RAD51B: variants seen among roughly 807,000 people sequenced by gnomAD.
RAD51B encodes the protein RAD51 paralog B.
A neutral mutation model predicts 42.2 loss-of-function variants in RAD51B; 38 were observed. That is an observed-to-expected ratio of 0.90 (90% CI 0.70 to 1.18). RAD51B has a LOEUF of 1.18. RAD51B is among the 50% of genes most tolerant of loss of function. The pLI, the probability that RAD51B is intolerant of heterozygous loss-of-function variation, is 0.00. For synonymous variants in RAD51B, 154 were observed against 145.2 expected, an observed-to-expected ratio of 1.06 and a Z score of -0.43; for missense variants, 373 against 400.7, an observed-to-expected ratio of 0.93 and a Z score of 0.59.
At chr14:67,941,713 T>C (rs1221007707) in intron 7 of RAD51B, among the ~76,000 whole-genome samples, 1 of 152,208 alleles carries the variant, frequency 6.6e-6, no homozygotes, top group East Asian at 1.9e-4. Flanking sequence ...GACATAGAGA[T>C]ATAGCACAGT....
At chr14:68,104,904 G>A (rs2077350906) in intron 7 of RAD51B, among the ~76,000 whole-genome samples, 1 of 152,080 alleles carries the variant, frequency 6.6e-6, no homozygotes, top group Non-Finnish European at 1.5e-5. Flanking sequence ...ATTTTACTAT[G>A]CCTGCACAGG....
chr14:68,447,587 A>G (rs1404963152), intron 9 of RAD51B, among the ~76,000 whole-genome samples: 1 of 151,824 alleles, frequency 6.6e-6, no homozygotes, highest in Non-Finnish European at 1.5e-5. Context: ...AATATTAACT[A>G]AAAAGCATTA....
chr14:68,181,139 A>G (rs1357273575), intron 7 of RAD51B, among the ~76,000 whole-genome samples: 2 of 152,236 alleles, frequency 1.3e-5, no homozygotes, highest in East Asian at 3.8e-4. Context: ...ACCGTGTGCC[A>G]CAGCAAACAA....
chr14:68,101,846 A>T (rs894165605), intron 7 of RAD51B, among the ~76,000 whole-genome samples: 3 of 152,138 alleles, frequency 2.0e-5, no homozygotes, highest in African/African-American at 7.2e-5. Flanking sequence ...CCAACCCGAC[A>T]TTTCCCTTCT....
At chr14:67,961,897 C>T (rs1048924405) in intron 7 of RAD51B, among the ~76,000 whole-genome samples, 1 of 152,164 alleles carries the variant, frequency 6.6e-6, no homozygotes, top group African/African-American at 2.4e-5. Context: ...CTATAACATT[C>T]TGATAAAGTT....
chr14:68,056,341 T>C (rs1380090597), intron 7 of RAD51B, among the ~76,000 whole-genome samples: 1 of 151,748 alleles, frequency 6.6e-6, no homozygotes, highest in African/African-American at 2.4e-5. Context: ...TAGAGATGGG[T>C]TTTTCTCATG....
intron 11 of RAD51B, among the ~76,000 whole-genome samples, chr14:68,658,541 G>A (rs1479264563): frequency 6.6e-6 from 1 of 152,206 alleles, no homozygotes; most frequent in Non-Finnish European, 1.5e-5. Context: ...CATCTCATCT[G>A]CACCAAGTGT....
chr14:67,971,651 G>C (rs2074900583), intron 7 of RAD51B, among the ~76,000 whole-genome samples: 1 of 152,070 alleles, frequency 6.6e-6, no homozygotes, highest in African/African-American at 2.4e-5. Context: ...CATTGTTCTT[G>C]ATGTATTCCA....
chr14:68,650,210 AC>A (rs1413611976), intron 10 of RAD51B, among the ~76,000 whole-genome samples: 1 of 152,184 alleles, frequency 6.6e-6, no homozygotes, highest in Non-Finnish European at 1.5e-5. Context: ...GACTGGCTTG[AC>A]CAATTTTCAT....
intron 7 of RAD51B, among the ~76,000 whole-genome samples, chr14:67,899,236 A>G (rs2043527937): frequency 6.6e-6 from 1 of 150,736 alleles, no homozygotes. Context: ...TTTTTAGTAG[A>G]GACGGGGTTT....
intron 7 of RAD51B, among the ~76,000 whole-genome samples, chr14:68,159,546 G>A (rs1247258456): frequency 6.6e-6 from 1 of 151,696 alleles, no homozygotes; most frequent in East Asian, 1.9e-4. Context: ...CTTGAACCTG[G>A]GAGGTGGAGG....
chr14:68,199,103 C>T lies in RAD51B; in HGVS notation c.757-92781C>T, dbSNP rs115001930. On this transcript the variant is annotated intron_variant, in intron 7 of 10. Transcript: ENST00000471583. The stretch of plus-strand genomic sequence containing the variant: ...AATTCTAGTTTCTCTACTTATTCCT[C>T]GCATGACATGATTTTTGTATCTTTT... 5.4e-3 allele frequency among the ~76,000 whole-genome samples: 823 copies of T among 152,268 alleles called. 6 individuals are homozygous for T. The highest frequency in any genetic ancestry group is 0.019 in the African/African-American group (799 of 41,554).
At chr14:68,632,092 AACCTCTGAGAC>A (rs1566960055) in intron 10 of RAD51B, among the ~76,000 whole-genome samples, 1 of 152,106 alleles carries the variant, frequency 6.6e-6, no homozygotes, top group African/African-American at 2.4e-5. Flanking sequence ...AGCCATTTTA[AACCTCTGAGAC>A]ACCAAGAAAC....
chr14:68,341,401 T>C (rs1487008787), intron 8 of RAD51B, among the ~76,000 whole-genome samples: 2 of 152,238 alleles, frequency 1.3e-5, no homozygotes, highest in African/African-American at 4.8e-5. Flanking sequence ...TGTGGAAGTC[T>C]GAACCTTATT....
chr14:67,868,098 G>T (rs1299539753), intron 5 of RAD51B, among the ~76,000 whole-genome samples: 3 of 152,192 alleles, frequency 2.0e-5, no homozygotes, highest in Non-Finnish European at 4.4e-5. Flanking sequence ...TGGCCGAATA[G>T]GAACAGCTCT....
chr14:68,003,814 A>G (rs980420429), intron 7 of RAD51B, among the ~76,000 whole-genome samples: 1 of 152,204 alleles, frequency 6.6e-6, no homozygotes, highest in Admixed American at 6.5e-5. Flanking sequence ...GATGAATTAC[A>G]TTTATTGATT....
chr14:68,240,134 A>G lies in RAD51B; in HGVS notation c.757-51750A>G, dbSNP rs554299994. Among the ~76,000 whole-genome samples the G allele has an allele frequency of 1.8e-4, 27 of 152,332 alleles. No homozygotes were observed. The South Asian group carries it at 5.6e-3, about 32-fold the overall frequency. ...GTGCCCCTATTACCCTGGGTGTTGT[A>G]TCTACCATTATAAAGACTGCCTTGG... On this transcript the variant is annotated intron_variant, in intron 7 of 10. Transcript: ENST00000471583.
chr14:68,349,087 A>G (rs1056575902), intron 8 of RAD51B, among the ~76,000 whole-genome samples: 1 of 152,234 alleles, frequency 6.6e-6, no homozygotes, highest in Non-Finnish European at 1.5e-5. Context: ...TTGTTTATGA[A>G]CACTGAAATT....
chr14:68,495,970 G>A (rs1344979187), intron 10 of RAD51B, among the ~76,000 whole-genome samples: 1 of 152,152 alleles, frequency 6.6e-6, no homozygotes, highest in Non-Finnish European at 1.5e-5. Flanking sequence ...GAGCATCCAT[G>A]TACCGAAACC....
Sources: gnomAD v4.1 joint callset for allele counts (sites outside exome capture counted in the v4.1 genomes callset) on GRCh38, gnomAD v4.1.1 for gene constraint, MANE v1.5 for transcripts, NCBI Gene and HGNC (gene_info 2026-07-23, HGNC 2026-07-21) for gene names.